PRKN: variants seen among roughly 807,000 people sequenced by gnomAD.
The protein encoded by PRKN is parkin RBR E3 ubiquitin protein ligase.
A neutral mutation model predicts 59.5 loss-of-function variants in PRKN; 56 were observed. The ratio of observed to expected loss-of-function variants is 0.94; its 90% confidence interval spans 0.76 to 1.18. The LOEUF is 1.18. Ranked by LOEUF, PRKN falls within the 50% of genes most tolerant of loss-of-function variation. The probability of loss-of-function intolerance (pLI) is 0.00; values close to 1 mark genes in which losing one functional copy is unlikely to be tolerated. For synonymous variants in PRKN, 250 were observed against 222.1 expected, an observed-to-expected ratio of 1.13 and a Z score of -1.12; for missense variants, 657 against 596.4, an observed-to-expected ratio of 1.10 and a Z score of -1.06.
At chr6:161,979,680 A>G (rs1784582) in intron 5 of PRKN, among the ~76,000 whole-genome samples, 57,548 of 152,038 alleles carry the variant, frequency 0.38, 11,149 homozygotes, top group South Asian at 0.51. Context: ...CAAGGCTGTG[A>G]TCCCTTCCTT....
In PRKN at chr6:161,379,584, G is replaced by C. The variant is rs999642603; in HGVS notation, c.1167+7210C>G. Among the ~76,000 whole-genome samples the C allele has an allele frequency of 1.3e-5, 2 of 152,196 alleles. No individual in the cohort carries two copies. Among genetic ancestry groups the C allele is most frequent in the Non-Finnish European group, 2.9e-5 (2 of 68,042 alleles). On this transcript the variant is annotated intron_variant, in intron 10 of 11. Transcript: ENST00000366898. This position sits in a 1 kb window ranked among gnomAD's most constrained non-coding sequence, Gnocchi z 4.9. ...CAGCTCTCTGCCAAGTCTCTACCCG[G>C]GAAGTGCCCCCAGCTGAAGAAAGCT... is the stretch of plus-strand genomic sequence containing the variant.
At chr6:162,586,639 G>A (rs113986722) in intron 1 of PRKN, among the ~76,000 whole-genome samples, 7 of 152,170 alleles carry the variant, frequency 4.6e-5, no homozygotes, top group African/African-American at 1.4e-4. Context: ...AAGCCGGTTC[G>A]TAATTTGACA....
intron 1 of PRKN, among the ~76,000 whole-genome samples, chr6:162,617,636 A>G (rs1583916530): frequency 6.6e-6 from 1 of 151,512 alleles, no homozygotes; most frequent in African/African-American, 2.4e-5. Context: ...ATTTCCTTCC[A>G]CTCCAGCCTC....
chr6:161,876,561 C>G (rs1243058939), intron 6 of PRKN, among the ~76,000 whole-genome samples: 1 of 152,120 alleles, frequency 6.6e-6, no homozygotes, highest in Non-Finnish European at 1.5e-5. Flanking sequence ...GATCCTTTCT[C>G]CTTCGCATTT....
chr6:162,473,622 A>T (rs941825306), intron 1 of PRKN, among the ~76,000 whole-genome samples: 1 of 152,232 alleles, frequency 6.6e-6, no homozygotes, highest in African/African-American at 2.4e-5. Flanking sequence ...TCAACAAATA[A>T]TCAATATAGG....
At chr6:162,146,392 G>C (rs1173777672) in intron 4 of PRKN, among the ~76,000 whole-genome samples, 1 of 151,138 alleles carries the variant, frequency 6.6e-6, no homozygotes, top group Non-Finnish European at 1.5e-5. Context: ...CTTCCCTTTG[G>C]AAATCATGTA....
chr6:162,442,263 G>A (rs1790092876), intron 2 of PRKN, among the ~76,000 whole-genome samples: 1 of 152,180 alleles, frequency 6.6e-6, no homozygotes, highest in Non-Finnish European at 1.5e-5. Flanking sequence ...TACAAGGACG[G>A]ACTTTGTGTA....
rs1779748998 is a variant in PRKN at position 161,545,098 on chromosome 6, A to T, written c.1083+3756T>A. ...CTAGCTCCGAACAATTTTAAATCCC[A>T]CAAATGACAGAGAATTTGGTTTTCA... On this transcript the variant is annotated intron_variant, in intron 9 of 11. Transcript: ENST00000366898. This position sits in a 1 kb window ranked among gnomAD's most constrained non-coding sequence, Gnocchi z 4.1. 5.0e-6 allele frequency: 6 copies of T among 1,201,434 alleles called. No homozygotes were observed. In the South Asian group the frequency reaches 1.3e-4, roughly 26 times the overall value. The allele number at this position is 1,201,434 out of a possible 1,614,324, so 74.4% of individuals were successfully genotyped here.
rs1276798675 is a variant in PRKN at position 161,362,800 on chromosome 6, A to G, written c.1168-2595T>C. Among the ~76,000 whole-genome samples, 1 of 152,250 alleles carries G rather than the reference A, an allele frequency of 6.6e-6. No individual in the cohort carries two copies. The highest frequency in any genetic ancestry group is 1.5e-5 in the Non-Finnish European group (1 of 68,052). On this transcript the variant is annotated intron_variant, in intron 10 of 11. Transcript: ENST00000366898. The surrounding 1 kb of genome is among the most constrained non-coding windows in gnomAD (Gnocchi z 5.2). ...AAGCCAAACCTCAAGGAAATTACAC[A>G]AATAAAATTCTAAGAAATCTGGGAT...
chr6:162,561,289 A>C (rs1013369969), intron 1 of PRKN, among the ~76,000 whole-genome samples: 1 of 152,218 alleles, frequency 6.6e-6, no homozygotes, highest in Non-Finnish European at 1.5e-5. Context: ...ATTGTAAAAG[A>C]ACATGCTTAT....
At chr6:162,094,244 C>G (rs930421366) in intron 4 of PRKN, among the ~76,000 whole-genome samples, 2 of 152,046 alleles carry the variant, frequency 1.3e-5, no homozygotes, top group African/African-American at 2.4e-5. Context: ...AAGTCCAACA[C>G]GTTGGGAGCC....
chr6:162,330,243 G>A (rs1783512258), intron 2 of PRKN, among the ~76,000 whole-genome samples: 1 of 152,058 alleles, frequency 6.6e-6, no homozygotes, highest in Non-Finnish European at 1.5e-5. Flanking sequence ...CTGATGTGAT[G>A]TGGGGTCTCT....
intron 1 of PRKN, among the ~76,000 whole-genome samples, chr6:162,456,005 A>G (rs1172033818): frequency 6.6e-6 from 1 of 152,154 alleles, no homozygotes; most frequent in Non-Finnish European, 1.5e-5. Context: ...AATTAGCTTC[A>G]AATTCTTTAT....
At position 161,549,118 on chromosome 6, in the gene PRKN, ATG is replaced by A. The variant is rs59889520; in HGVS notation, c.934-117_934-116del. On this transcript the variant is annotated intron_variant, in intron 8 of 11. Coordinates refer to ENST00000366898, the MANE Select transcript of PRKN (RefSeq NM_004562.3). This position sits in a 1 kb window ranked among gnomAD's most constrained non-coding sequence, Gnocchi z 6.0. ...TTAACCAGTTTCAGTAAAATAATGC[ATG>A]TGTGTGTGTGTGTGTGTGTGTAGGG... is the stretch of plus-strand genomic sequence containing the variant. 17,208 of 838,074 alleles carry A rather than the reference ATG, an allele frequency of 0.021. 3 individuals carry two copies. The highest frequency in any genetic ancestry group is 0.039 in the East Asian group (1,290 of 33,146). The allele number at this position is 838,074 out of a possible 1,614,324, so 51.9% of individuals were successfully genotyped here.
intron 5 of PRKN, among the ~76,000 whole-genome samples, chr6:162,017,283 T>C (rs1165715930): frequency 1.3e-5 from 2 of 152,168 alleles, no homozygotes; most frequent in Admixed American, 1.3e-4. Flanking sequence ...GCTAGTTATG[T>C]AGCATTAAAT....
At chr6:161,524,402 A>G (rs1778944558) in intron 9 of PRKN, among the ~76,000 whole-genome samples, 1 of 151,960 alleles carries the variant, frequency 6.6e-6, no homozygotes, top group Admixed American at 6.6e-5. Flanking sequence ...CTGGAGTGCA[A>G]TGGCATGAAC....
intron 6 of PRKN, among the ~76,000 whole-genome samples, chr6:161,845,199 C>T (rs1793150141): frequency 6.6e-6 from 1 of 152,214 alleles, no homozygotes; most frequent in African/African-American, 2.4e-5. Context: ...AACTAATTCT[C>T]TGAGACCCTG....
intron 1 of PRKN, among the ~76,000 whole-genome samples, chr6:162,674,434 G>C: frequency 6.6e-6 from 1 of 152,158 alleles, no homozygotes; most frequent in Admixed American, 6.5e-5. Context: ...GGACATGAAA[G>C]AGGAGTCAGA....
At chr6:162,195,794 G>A (rs1476512542) in intron 4 of PRKN, among the ~76,000 whole-genome samples, 1 of 152,142 alleles carries the variant, frequency 6.6e-6, no homozygotes, top group African/African-American at 2.4e-5. Context: ...AGATGTTAAT[G>A]GTGGATAACT....
Sources: gnomAD v4.1 joint callset for allele counts (sites outside exome capture counted in the v4.1 genomes callset) on GRCh38, gnomAD v4.1.1 for gene constraint, Gnocchi (gnomAD v3.1) non-coding constraint, MANE v1.5 for transcripts, NCBI Gene and HGNC (gene_info 2026-07-23, HGNC 2026-07-21) for gene names.